The following NPTN variants were observed in gnomAD, a reference collection of about 807,000 sequenced individuals.
NPTN encodes the protein neuroplastin.
In NPTN, 5 loss-of-function variants were observed where a neutral mutation model predicts 42.7. The ratio of observed to expected loss-of-function variants is 0.12; its 90% confidence interval spans 0.06 to 0.25. The LOEUF is 0.25. Among genes scored for constraint, NPTN ranks in the 10% least tolerant of loss-of-function variants. The pLI, the probability that NPTN is intolerant of heterozygous loss-of-function variation, is 1.00. For synonymous variants in NPTN, 180 were observed against 201.9 expected, an observed-to-expected ratio of 0.89 and a Z score of 0.92; for missense variants, 307 against 525.4, an observed-to-expected ratio of 0.58 and a Z score of 4.06.
Position 73,570,042 on chromosome 15 carries a change from T to C in NPTN, c.1114+108A>G. 1 of 1,098,458 alleles carries C rather than the reference T, an allele frequency of 9.1e-7. No individual in the cohort carries two copies. Among genetic ancestry groups the C allele is most frequent in the Non-Finnish European group, 1.2e-6 (1 of 814,292 alleles). The allele number at this position is 1,098,458 out of a possible 1,614,324, so 68.0% of individuals were successfully genotyped here. A position where few individuals can be genotyped will look rare whatever the true frequency, so the allele number is the denominator to read the frequency against. ...AACTGGTATAAGAATTTTCCTTCTT[T>C]CCTTTAGGGATTGAATCCCAACATC... On this transcript the variant is annotated intron_variant, in intron 6 of 8. Coordinates refer to ENST00000345330, the MANE Select transcript of NPTN (RefSeq NM_012428.4). The surrounding 1 kb of genome is among the most constrained non-coding windows in gnomAD (Gnocchi z 4.0).
At chr15:73,609,867 T>C (rs1175710206) in intron 1 of NPTN, among the ~76,000 whole-genome samples, 3 of 152,186 alleles carry the variant, frequency 2.0e-5, no homozygotes, top group Non-Finnish European at 4.4e-5. Context: ...AATTAGCATA[T>C]CCATCATCTC....
intron 1 of NPTN, among the ~76,000 whole-genome samples, chr15:73,601,739 C>T (rs560356435): frequency 3.3e-5 from 5 of 152,208 alleles, no homozygotes; most frequent in Admixed American, 6.5e-5. Context: ...GGGCCCAGAT[C>T]TGCAAGAGTT....
At chr15:73,588,416 C>A (rs888460745) in intron 3 of NPTN, among the ~76,000 whole-genome samples, 2 of 152,126 alleles carry the variant, frequency 1.3e-5, no homozygotes, top group Non-Finnish European at 2.9e-5. Flanking sequence ...GCTAACAGGA[C>A]CCAGGCACAG....
rs116384030 is a variant in NPTN, at chr15:73,625,353, A to G, written c.91+7772T>C. Among the ~76,000 whole-genome samples the G allele has an allele frequency of 1.9e-3, 289 of 152,262 alleles. 1 individual carries two copies. Among genetic ancestry groups the G allele is most frequent in the African/African-American group, 6.7e-3 (278 of 41,544 alleles). On this transcript the variant is annotated intron_variant, in intron 1 of 8. Transcript: ENST00000345330. ...AAAAAGTTTGAAAGCCTTTTTCTAAAGAGCTTTTTTTTTTTGAGACGGAGT... is the reference window on the plus strand; with the variant it reads ...AAAAAGTTTGAAAGCCTTTTTCTAAGGAGCTTTTTTTTTTTGAGACGGAGT...
rs1894598341 is a variant in NPTN at position 73,560,499 on chromosome 15, C to T, written c.*564G>A. The stretch of plus-strand genomic sequence containing the variant: ...ATAGATTTCAGTTTATATTACTCAT[C>T]TTTATGTACCAGAACTGCACAATTT... On this transcript the variant is annotated 3_prime_UTR_variant, in exon 9 of 9. Transcript: ENST00000345330. 6.6e-6 allele frequency: 1 copy of T among 152,408 alleles called. No individual in the cohort carries two copies. The highest frequency in any genetic ancestry group is 1.9e-4 in the East Asian group (1 of 5,194). 9.4% of individuals were successfully genotyped at this position (152,408 alleles called of 1,614,324 possible). A position where few individuals can be genotyped will look rare whatever the true frequency, so the allele number is the denominator to read the frequency against.
Position 73,561,940 on chromosome 15 carries a change from A to C in NPTN, c.1167T>G (p.Asp389Glu), listed in dbSNP as rs1894695548. Residue 389 changes from aspartate (D) to glutamate (E), a missense_variant, in exon 8 of 9, where the codon GAT becomes GAG. By Grantham distance (45) the Asp-to-Glu change is conservative. Around this residue, in one of 2 missense-constraint regions of NPTN, gnomAD observed 264 missense variants for 491.1 expected, o/e 0.54. Transcript: ENST00000345330. ...MKTNSTNNHK[D>E]KNLRQRNTN is the part of the protein sequence containing the mutation. ...TTGTGTTTCTCTGGCGCAAGTTTTT[A>C]TCTTTGTGATTGTTGGTAGAGTTGG... is the stretch of plus-strand genomic sequence containing the variant. 6.3e-7 allele frequency: 1 copy of C among 1,596,140 alleles called. No homozygotes were observed.
intron 4 of NPTN, among the ~76,000 whole-genome samples, chr15:73,585,515 T>C (rs1896274935): frequency 6.6e-6 from 1 of 152,210 alleles, no homozygotes; most frequent in South Asian, 2.1e-4. Flanking sequence ...TTAAAACTTA[T>C]ACAGAAAAAG....
Position 73,573,902 on chromosome 15 carries a change from T to C in NPTN, c.707-107A>G, listed in dbSNP as rs1187552146. On this transcript the variant is annotated intron_variant, in intron 4 of 8. Transcript: ENST00000345330. ...CTGCTTGTAATGTAGTCAGTCTTTA[T>C]GCTTACTGTCATACTCAGCTTTGAT... The C allele has an allele frequency of 9.4e-6, 13 of 1,381,138 alleles. No individual in the cohort carries two copies. In the South Asian group the frequency reaches 1.6e-4, roughly 17 times the overall value. 85.6% of individuals were successfully genotyped at this position (1,381,138 alleles called of 1,614,324 possible). A position where few individuals can be genotyped will look rare whatever the true frequency, so the allele number is the denominator to read the frequency against.
At chr15:73,605,023 G>C (rs925162206) in intron 1 of NPTN, among the ~76,000 whole-genome samples, 2 of 151,068 alleles carry the variant, frequency 1.3e-5, no homozygotes, top group Non-Finnish European at 2.9e-5. Flanking sequence ...AATTGAGCCT[G>C]AGAGGTTGAG....
chr15:73,633,311 G>C lies in NPTN; in HGVS notation c.-96C>G. On this transcript the variant is annotated 5_prime_UTR_variant, in exon 1 of 9. Coordinates refer to ENST00000345330, the MANE Select transcript of NPTN (RefSeq NM_012428.4). Reference sequence around the variant, plus strand: ...AGGGAGGGGGCGGGCGAGTGCGCGAGGGAGTGAGCGAGGGAGGCAGCCGCG... The same window carrying C: ...AGGGAGGGGGCGGGCGAGTGCGCGACGGAGTGAGCGAGGGAGGCAGCCGCG... The C allele has an allele frequency of 2.1e-6, 2 of 937,410 alleles. No homozygotes were observed. Among genetic ancestry groups the C allele is most frequent in the Non-Finnish European group, 3.0e-6 (2 of 664,122 alleles). 58.1% of individuals were successfully genotyped at this position (937,410 alleles called of 1,614,324 possible).
intron 4 of NPTN, among the ~76,000 whole-genome samples, chr15:73,580,421 A>AT (rs1491342329): frequency 4.7e-5 from 5 of 107,288 alleles, no homozygotes; most frequent in East Asian, 4.8e-4. Context: ...ATATATATAT[A>AT]ATATATATAT....
At chr15:73,587,739 CCTT>C in intron 3 of NPTN, 121 bp from the exon 4 acceptor site, 2 of 684,678 alleles carry the variant, frequency 2.9e-6, no homozygotes, top group Non-Finnish European at 5.1e-6. Context: ...CAACTCACCT[CCTT>C]CTAACTAAAA....
chr15:73,601,662 T>TTACA (rs1897089442), intron 1 of NPTN, among the ~76,000 whole-genome samples: 1 of 152,170 alleles, frequency 6.6e-6, no homozygotes, highest in South Asian at 2.1e-4. Context: ...AACCCTAAAT[T>TTACA]TTGTAAGACA....
At chr15:73,578,055 C>T (rs1451536088) in intron 4 of NPTN, among the ~76,000 whole-genome samples, 7 of 152,054 alleles carry the variant, frequency 4.6e-5, no homozygotes. Flanking sequence ...TAGGATTGTG[C>T]TTGTTATGTA....
At chr15:73,573,599 C>A (rs540588664) in intron 5 of NPTN, 63 bp downstream of exon 5, 19 of 1,486,660 alleles carry the variant, frequency 1.3e-5, no homozygotes, top group East Asian at 2.5e-5. Flanking sequence ...AACTGACCCA[C>A]GTGTCTGGAC....
intron 1 of NPTN, among the ~76,000 whole-genome samples, chr15:73,614,818 T>G (rs1192974822): frequency 6.6e-6 from 1 of 152,196 alleles, no homozygotes; most frequent in Non-Finnish European, 1.5e-5. Flanking sequence ...CATAGAAAGG[T>G]AGCCATCAGA....
chr15:73,617,949 A>G (rs79582718), intron 1 of NPTN, among the ~76,000 whole-genome samples: 5,657 of 152,198 alleles, frequency 0.037, 170 homozygotes, highest in African/African-American at 0.078. Flanking sequence ...AAGTCTGACT[A>G]CCCCTAGCAC....
rs1036465276 is a variant in NPTN at position 73,560,971 on chromosome 15, A to G, written c.*92T>C. 6.6e-6 allele frequency: 1 copy of G among 152,624 alleles called. No homozygotes were observed. Among genetic ancestry groups the G allele is most frequent in the Non-Finnish European group, 1.5e-5 (1 of 68,034 alleles). 9.5% of individuals were successfully genotyped at this position (152,624 alleles called of 1,614,324 possible). A position where few individuals can be genotyped will look rare whatever the true frequency, so the allele number is the denominator to read the frequency against. On this transcript the variant is annotated 3_prime_UTR_variant, in exon 9 of 9. Transcript: ENST00000345330. ...CAGTCATTGTGGTGTTGCTCACTTG[A>G]AAGGGGAGAGAACCAAAGAGGTCCA...
At chr15:73,622,264 A>G (rs906795519) in intron 1 of NPTN, among the ~76,000 whole-genome samples, 1 of 152,186 alleles carries the variant, frequency 6.6e-6, no homozygotes, top group African/African-American at 2.4e-5. Flanking sequence ...CAATTCAGCA[A>G]GTGAAAATTA....
Sources: gnomAD v4.1 joint callset for allele counts (sites outside exome capture counted in the v4.1 genomes callset) on GRCh38, gnomAD v4.1.1 for gene constraint, gnomAD v4.1.1 regional missense constraint, Gnocchi (gnomAD v3.1) non-coding constraint, MANE v1.5 for transcripts, NCBI Gene and HGNC (gene_info 2026-07-23, HGNC 2026-07-21) for gene names.